The following TENM2 variants were observed in gnomAD, a reference collection of about 807,000 sequenced individuals.
TENM2 encodes the protein teneurin-2.
In TENM2, 52 loss-of-function variants were observed where a neutral mutation model predicts 245.2. That is an observed-to-expected ratio of 0.21 (90% CI 0.17 to 0.27). TENM2 has a LOEUF of 0.27. TENM2 is among the 10% of genes least tolerant of loss of function. The pLI is 1.00. For synonymous variants in TENM2, 1,363 were observed against 1,438.9 expected (o/e 0.95, Z 1.19); for missense variants, 3,046 against 3,666.8 (o/e 0.83, Z 4.37).
intron 13 of TENM2, among the ~76,000 whole-genome samples, chr5:168,188,176 G>A (rs994411328): frequency 3.9e-5 from 6 of 152,086 alleles, no homozygotes; most frequent in East Asian, 1.9e-4. Flanking sequence ...TTTCATTAGC[G>A]GAACCAAACG....
At chr5:167,180,265 A>G in the TENM2 span, among the ~76,000 whole-genome samples, 1 of 151,880 alleles carries the variant, frequency 6.6e-6, no homozygotes, top group Admixed American at 6.6e-5. Flanking sequence ...ATGTGCCACC[A>G]CACGGGGCTC....
At chr5:167,435,322 T>C (rs1449418484) in intron 2 of TENM2, among the ~76,000 whole-genome samples, 3 of 152,172 alleles carry the variant, frequency 2.0e-5, no homozygotes, top group Admixed American at 6.5e-5. Context: ...GTTTGAATTA[T>C]GGGGGCAAGT....
intron 2 of TENM2, among the ~76,000 whole-genome samples, chr5:167,789,746 A>C: frequency 6.6e-6 from 1 of 152,202 alleles, no homozygotes; most frequent in East Asian, 1.9e-4. Flanking sequence ...AGTTTAGAGA[A>C]GTAGTTAAGA....
At chr5:167,507,864 A>G (rs543982046) in intron 2 of TENM2, among the ~76,000 whole-genome samples, 5 of 151,968 alleles carry the variant, frequency 3.3e-5, no homozygotes, top group Non-Finnish European at 7.4e-5. Context: ...TGAAATCCAT[A>G]GAGGTTCTTT....
At chr5:167,124,959 A>G in the TENM2 span, among the ~76,000 whole-genome samples, 1 of 152,176 alleles carries the variant, frequency 6.6e-6, no homozygotes, top group Non-Finnish European at 1.5e-5. Context: ...GCTTTGAAAA[A>G]TACGTTATTT....
At chr5:167,244,348 C>T in the TENM2 span, among the ~76,000 whole-genome samples, 2 of 152,272 alleles carry the variant, frequency 1.3e-5, no homozygotes, top group African/African-American at 2.4e-5. Context: ...CTTCATTTAA[C>T]ACGTGTTAAC....
chr5:168,234,171 C>G (rs952420022), intron 25 of TENM2, among the ~76,000 whole-genome samples: 11 of 152,080 alleles, frequency 7.2e-5, no homozygotes, highest in African/African-American at 2.7e-4. Context: ...GGTGGTCAGG[C>G]AGACTTAGCC....
chr5:167,188,736 G>T, the TENM2 span, among the ~76,000 whole-genome samples: 1 of 152,100 alleles, frequency 6.6e-6, no homozygotes, highest in Non-Finnish European at 1.5e-5. Context: ...TAACAAAAGC[G>T]CAGTTGATAC....
At chr5:168,077,604 T>G (rs984824809) in intron 7 of TENM2, among the ~76,000 whole-genome samples, 2 of 151,980 alleles carry the variant, frequency 1.3e-5, no homozygotes, top group Non-Finnish European at 2.9e-5. Flanking sequence ...CAGGCCCCGG[T>G]ATGTGATGTT....
At chr5:167,258,409 A>G in the TENM2 span, among the ~76,000 whole-genome samples, 1 of 152,036 alleles carries the variant, frequency 6.6e-6, no homozygotes, top group Non-Finnish European at 1.5e-5. Flanking sequence ...ACTCAGAGAC[A>G]CTGTCAGATG....
chr5:167,034,653 A>AAG, the TENM2 span, among the ~76,000 whole-genome samples: 1 of 141,200 alleles, frequency 7.1e-6, no homozygotes, highest in African/African-American at 2.5e-5. Flanking sequence ...AAAAAAAAAA[A>AAG]GAAAATATTT....
chr5:167,700,949 T>TAAAA (rs781480259), intron 2 of TENM2, among the ~76,000 whole-genome samples: 4,091 of 79,690 alleles, frequency 0.051, 197 homozygotes, highest in East Asian at 0.11. Context: ...TTATATTTCT[T>TAAAA]AAAAAAAAAA....
intron 2 of TENM2, among the ~76,000 whole-genome samples, chr5:167,719,748 T>C (rs1759501879): frequency 6.6e-6 from 1 of 152,220 alleles, no homozygotes; most frequent in Non-Finnish European, 1.5e-5. Flanking sequence ...AATGTTGCCC[T>C]GTCTGGTGAT....
rs191064257 is a variant in TENM2 at position 167,813,360 on chromosome 5, C to T, written c.503-62626C>T. Among the ~76,000 whole-genome samples, 8 of 151,278 alleles carry T rather than the reference C, an allele frequency of 5.3e-5. No individual in the cohort carries two copies. The South Asian group carries it at 8.3e-4, about 16-fold the overall frequency. On this transcript the variant is annotated intron_variant, in intron 2 of 28. Transcript: ENST00000518659. ...TCTGCCCAGGGTTCTGGAAAAGGGT[C>T]CTTTTGCTGAAGAGCTTACAAGTTC... is the stretch of plus-strand genomic sequence containing the variant.
chr5:168,006,617 A>G (rs1481927687), intron 5 of TENM2, among the ~76,000 whole-genome samples: 2 of 152,206 alleles, frequency 1.3e-5, no homozygotes, highest in African/African-American at 2.4e-5. Context: ...GCTCTTCAGT[A>G]TGAAGAGTAG....
chr5:167,701,332 G>T (rs779933802), intron 2 of TENM2, among the ~76,000 whole-genome samples: 9 of 151,720 alleles, frequency 5.9e-5, no homozygotes, highest in Non-Finnish European at 1.2e-4. Context: ...ATGAATCTAT[G>T]AACTGGTTTG....
At chr5:167,899,950 G>A (rs1775552069) in intron 3 of TENM2, among the ~76,000 whole-genome samples, 2 of 151,764 alleles carry the variant, frequency 1.3e-5, no homozygotes, top group South Asian at 4.2e-4. Flanking sequence ...ACGCAAAGAC[G>A]TTCTCAATTT....
At chr5:167,831,132 C>T (rs771933900) in intron 2 of TENM2, among the ~76,000 whole-genome samples, 2 of 152,056 alleles carry the variant, frequency 1.3e-5, no homozygotes, top group Non-Finnish European at 2.9e-5. Context: ...CTTCTCTCTT[C>T]CTTCTCCTCC....
At chr5:167,399,954 C>T (rs978277226) in intron 2 of TENM2, among the ~76,000 whole-genome samples, 2 of 151,602 alleles carry the variant, frequency 1.3e-5, no homozygotes, top group Admixed American at 6.6e-5. Context: ...ATGGTATGAT[C>T]GGGAAATAAA....
Sources: gnomAD v4.1 joint callset for allele counts (sites outside exome capture counted in the v4.1 genomes callset) on GRCh38, gnomAD v4.1.1 for gene constraint, MANE v1.5 for transcripts, NCBI Gene and HGNC (gene_info 2026-07-23, HGNC 2026-07-21) for gene names.